WDR54: variants seen among roughly 807,000 people sequenced by gnomAD.
The protein encoded by WDR54 is WD repeat-containing protein 54.
Under a neutral mutation model 44.1 loss-of-function variants are expected in WDR54, and 44 were observed. That is an observed-to-expected ratio of 1.00 (90% CI 0.78 to 1.28). The LOEUF is 1.28. Among genes scored for constraint, WDR54 ranks in the 50% most tolerant of loss-of-function variants. The probability of loss-of-function intolerance (pLI) is 0.00; values close to 1 mark genes in which losing one functional copy is unlikely to be tolerated. For missense variants in WDR54, 409 were observed against 429.7 expected (o/e 0.95, Z 0.43); for synonymous variants, 169 against 169.8 (o/e 1.00, Z 0.04).
Position 74,422,883 on chromosome 2 carries a change from TC to T in WDR54, c.238del (p.Leu80SerfsTer77), listed in dbSNP as rs747663015. 6.2e-7 allele frequency: 1 copy of T among 1,613,832 alleles called. No individual in the cohort carries two copies. Among genetic ancestry groups the T allele is most frequent in the South Asian group, 1.1e-5 (1 of 91,064 alleles). ...ACCTCCCTCCAGGTCCACTGGTGTG[TC>T]CTCCCCTTCCGAGTGCTGCTGGTAC... ...PPLITQVHWCVLPFRVLLVLT... is the reference protein window; with the variant it reads ...PPLITQVHWCXLPFRVLLVLT... On this transcript the variant is annotated frameshift_variant, in exon 3 of 10. Transcript: ENST00000348227. LOFTEE classifies it high-confidence loss of function.
rs746088546 is a variant in WDR54, at chr2:74,422,344, G to T, written c.191G>T (p.Gly64Val). ...CAGCGCCAGCTCCACGCTAAGGAGG[G>T]TGCTGGAGTGAGTCCCCCACTTATC... The part of the protein sequence containing the change: ...LAQRQLHAKE[G>V]AGVSPPLITQ... Residue 64 changes from glycine (G) to valine (V), a missense_variant, in exon 2 of 10, where the codon GGT becomes GTT. Gly to Val is a moderately radical substitution (Grantham distance 109). Transcript: ENST00000348227. 1.4e-5 allele frequency: 23 copies of T among 1,613,878 alleles called. No homozygotes were observed. The Middle Eastern group carries it at 9.9e-4, about 69-fold the overall frequency.
chr2:74,425,715 C>A lies in WDR54; in HGVS notation c.*14C>A. 1.2e-6 allele frequency: 2 copies of A among 1,614,086 alleles called. No individual in the cohort carries two copies. Among genetic ancestry groups the A allele is most frequent in the Non-Finnish European group, 8.5e-7 (1 of 1,180,016 alleles). On this transcript the variant is annotated 3_prime_UTR_variant, in exon 10 of 10. Coordinates refer to ENST00000348227, the MANE Select transcript of WDR54 (RefSeq NM_032118.4). ...AGCAGTGTGTGAGAAGAGCAGCCTT[C>A]CTTTGTCCCTGTGGTATTCATAAAG...
chr2:74,423,227 G>T, intron 3 of WDR54, 92 bp from the exon 4 acceptor site: 1 of 1,441,050 alleles, frequency 6.9e-7, no homozygotes, highest in South Asian at 1.2e-5. Flanking sequence ...TTTGTTTTGA[G>T]GATTAAATGG....
At chr2:74,423,245 C>A in intron 3 of WDR54, 74 bp from the exon 4 acceptor site, 1 of 1,534,340 alleles carries the variant, frequency 6.5e-7, no homozygotes, top group Non-Finnish European at 9.0e-7. Flanking sequence ...TGGGCTAAGG[C>A]TAACACGGAT....
rs567445796 is a variant in WDR54 at position 74,422,635 on chromosome 2, C to CA, written c.223-227dup. 654 of 608,726 alleles carry CA rather than the reference C, an allele frequency of 1.1e-3. 3 individuals carry two copies. Among genetic ancestry groups the CA allele is most frequent in the African/African-American group, 8.9e-3 (478 of 53,888 alleles). 37.7% of individuals were successfully genotyped at this position (608,726 alleles called of 1,614,324 possible). On this transcript the variant is annotated intron_variant, in intron 2 of 9. Transcript: ENST00000348227. Reference sequence around the variant, plus strand: ...TGAAACCTCTTCTCTACTAAGAATACAAAAAAAATTAACCGGGTGTGGTGG... The same window carrying CA: ...TGAAACCTCTTCTCTACTAAGAATACAAAAAAAAATTAACCGGGTGTGGTGG...
Position 74,423,478 on chromosome 2 carries a change from T to C in WDR54, c.353T>C (p.Val118Ala), listed in dbSNP as rs1224780981. The change falls in exon 5 of 10, where the codon GTA becomes GCA. Residue 118 changes from valine (V) to alanine (A), a missense_variant and splice_region_variant. Physicochemically the swap from Val to Ala is moderately conservative, Grantham distance 64. Coordinates refer to ENST00000348227, the MANE Select transcript of WDR54 (RefSeq NM_032118.4). ...GATCATTCTCCCCTTTCATATTCAG[T>C]ACAGGCTGTGTTTGCCCGGGGAATT... ...HALDSGDASP[V>A]QAVFARGIAA... 6.2e-7 allele frequency: 1 copy of C among 1,613,938 alleles called. No homozygotes were observed. The highest frequency in any genetic ancestry group is 8.5e-7 in the Non-Finnish European group (1 of 1,179,942).
chr2:74,422,774 C>T, intron 2 of WDR54, 96 bp from the exon 3 acceptor site: 5 of 1,213,078 alleles, frequency 4.1e-6, no homozygotes, highest in Non-Finnish European at 4.7e-6. Context: ...GCCTGGGCCA[C>T]AGAGCAAGAC....
chr2:74,421,788 G>GA lies in WDR54; in HGVS notation c.-29dup. On this transcript the variant is annotated 5_prime_UTR_variant, in exon 1 of 10. Transcript: ENST00000348227. Reference sequence around the variant, plus strand: ...GATTTGGAGGGACCCTACGAACCAGGAGTCAGGCGAGCCGATCTGGGGCTG... The same window carrying GA: ...GATTTGGAGGGACCCTACGAACCAGGAAGTCAGGCGAGCCGATCTGGGGCTG... 1.5e-6 allele frequency: 1 copy of GA among 675,188 alleles called. No individual in the cohort carries two copies. Among genetic ancestry groups the GA allele is most frequent in the Non-Finnish European group, 2.7e-6 (1 of 366,138 alleles). 41.8% of individuals were successfully genotyped at this position (675,188 alleles called of 1,614,324 possible).
In WDR54 at chr2:74,422,851, C is replaced by T. The variant is rs186252841; in HGVS notation, c.223-19C>T. 50 of 1,608,184 alleles carry T rather than the reference C, an allele frequency of 3.1e-5. No homozygotes were observed. The East Asian group carries it at 1.1e-3, about 34-fold the overall frequency. ...TCCCTGCTTTGATTTTCTCCCTACA[C>T]TGATGCACCTCCCTCCAGGTCCACT... is the stretch of plus-strand genomic sequence containing the variant. On this transcript the variant is annotated intron_variant, in intron 2 of 9. Coordinates refer to ENST00000348227, the MANE Select transcript of WDR54 (RefSeq NM_032118.4).
rs1160459097 is a variant in WDR54 at position 74,423,331 on chromosome 2, A to G, written c.298A>G (p.Asn100Asp). 2.5e-6 allele frequency: 4 copies of G among 1,613,768 alleles called. No homozygotes were observed. The African/African-American group carries it at 5.3e-5, about 22-fold the overall frequency. Residue 100 changes from asparagine to aspartate, a missense_variant, in exon 4 of 10, where the codon AAT becomes GAT. Transcript: ENST00000348227. ...SHRGIQMYES[N>D]GYTMVYWHAL... ...CCCGGTCTTCCAGATGTACGAGTCC[A>G]ATGGCTACACCATGGTCTACTGGCA... is the stretch of plus-strand genomic sequence containing the variant.
intron 6 of WDR54, among the ~76,000 whole-genome samples, chr2:74,424,472 T>C (rs1670265104): frequency 6.6e-6 from 1 of 152,212 alleles, no homozygotes. Flanking sequence ...CCATTGTACC[T>C]GGCATAGGGC....
Position 74,425,420 on chromosome 2 carries a change from C to G in WDR54, c.802C>G (p.Leu268Val). 1 of 1,614,190 alleles carries G rather than the reference C, an allele frequency of 6.2e-7. No individual in the cohort carries two copies. The highest frequency in any genetic ancestry group is 8.5e-7 in the Non-Finnish European group (1 of 1,180,014). Residue 268 changes from leucine (L) to valine (V), a missense_variant, in exon 9 of 10, where the codon CTC becomes GTC. Leu to Val is a conservative substitution (Grantham distance 32). Coordinates refer to ENST00000348227, the MANE Select transcript of WDR54 (RefSeq NM_032118.4). ...TCCCCCTCTTCCTCCTCCACAGCTA[C>G]TCTCTGCAGGTGAGGACACCTTTGT... is the stretch of plus-strand genomic sequence containing the variant. ...LDLASEVGKL[L>V]SAGEDTFVHI...
rs1213533814 is a variant in WDR54 at position 74,425,401 on chromosome 2, T to C, written c.799-16T>C. 1 of 1,614,056 alleles carries C rather than the reference T, an allele frequency of 6.2e-7. No individual in the cohort carries two copies. Among genetic ancestry groups the C allele is most frequent in the Admixed American group, 1.7e-5 (1 of 60,010 alleles). ...CCCGTCAGGGCATTCTGACTCCCCCTCTTCCTCCTCCACAGCTACTCTCTG... is the reference window on the plus strand; with the variant it reads ...CCCGTCAGGGCATTCTGACTCCCCCCCTTCCTCCTCCACAGCTACTCTCTG... On this transcript the variant is annotated splice_polypyrimidine_tract_variant and intron_variant, in intron 8 of 9. Transcript: ENST00000348227.
intron 3 of WDR54, 94 bp downstream of exon 3, chr2:74,423,026 G>C: frequency 7.9e-7 from 1 of 1,268,816 alleles, no homozygotes. Context: ...AACACTTCCA[G>C]ACTTTTCACA....
chr2:74,422,444 T>G, intron 2 of WDR54, 69 bp downstream of exon 2: 1 of 1,496,866 alleles, frequency 6.7e-7, no homozygotes, highest in East Asian at 2.4e-5. Flanking sequence ...CTCCAAACCT[T>G]CAGGAGCAGG....
intron 6 of WDR54, 98 bp from the exon 7 acceptor site, chr2:74,424,777 A>C: frequency 1.4e-6 from 2 of 1,474,066 alleles, no homozygotes; most frequent in Non-Finnish European, 1.9e-6. Flanking sequence ...TTCCCTGGAG[A>C]GGCAAAGATG....
At chr2:74,423,193 T>C in intron 3 of WDR54, 126 bp from the exon 4 acceptor site, 1 of 1,196,734 alleles carries the variant, frequency 8.4e-7, no homozygotes, top group Non-Finnish European at 1.2e-6. Flanking sequence ...AAAATTAGGA[T>C]AAAAATAGTA....
rs932472620 is a variant in WDR54 at position 74,423,151 on chromosome 2, T to C, written c.286-168T>C. ...TTACTAGCTGTATGTCCTTACACTA[T>C]TAACTTCTCACTCTCACTGTTGTCC... is the stretch of plus-strand genomic sequence containing the variant. On this transcript the variant is annotated intron_variant, in intron 3 of 9. Transcript: ENST00000348227. 4 of 907,022 alleles carry C rather than the reference T, an allele frequency of 4.4e-6. No individual in the cohort carries two copies. In the African/African-American group the frequency reaches 4.9e-5, roughly 11 times the overall value. 56.2% of individuals were successfully genotyped at this position (907,022 alleles called of 1,614,324 possible).
rs1472152044 is a variant in WDR54, at chr2:74,421,840, G to A, written c.-2+24G>A. ...AGGTGTTACCTCTGATCTAGGCCGG[G>A]GGCTTCAGGGATCCGAGCCGAGGGA... On this transcript the variant is annotated intron_variant, in intron 1 of 9. Coordinates refer to ENST00000348227, the MANE Select transcript of WDR54 (RefSeq NM_032118.4). The A allele has an allele frequency of 4.6e-6, 3 of 650,126 alleles. No homozygotes were observed. The African/African-American group carries it at 5.5e-5, about 12-fold the overall frequency. 40.3% of individuals were successfully genotyped at this position (650,126 alleles called of 1,614,324 possible).
Sources: gnomAD v4.1 joint callset for allele counts (sites outside exome capture counted in the v4.1 genomes callset) on GRCh38, gnomAD v4.1.1 for gene constraint, MANE v1.5 for transcripts, NCBI Gene and HGNC (gene_info 2026-07-23, HGNC 2026-07-21) for gene names.